The following SAMMSON variants were observed in gnomAD, a reference collection of about 807,000 sequenced individuals.
SAMMSON encodes the protein long intergenic non-protein coding RNA 1212.
In SAMMSON at chr3:70,324,784, C is replaced by T. The variant is rs187801382; in HGVS notation, n.740-29391C>T. 6.6e-5 allele frequency among the ~76,000 whole-genome samples: 10 copies of T among 152,174 alleles called. No homozygotes were observed. The East Asian group carries it at 1.9e-3, about 30-fold the overall frequency. On this transcript the variant is annotated intron_variant and non_coding_transcript_variant, in intron 7 of 9. Transcript: ENST00000642114. The stretch of plus-strand genomic sequence containing the variant: ...AGAGAAAGGCCAGTGGCAGAAACTG[C>T]GTCCTGACATAACAAAAGCACAGCG...
rs545178080 is a variant in SAMMSON at position 70,278,549 on chromosome 3, G to T, written n.675-12630G>T. 3.3e-5 allele frequency among the ~76,000 whole-genome samples: 5 copies of T among 152,312 alleles called. No individual in the cohort carries two copies. In the South Asian group the frequency reaches 8.3e-4, roughly 25 times the overall value. ...TATGAGAGTTCAGTCACTCTGTGCT[G>T]TTGTCAGCATTTAGTGTTTTCAGGT... is the stretch of plus-strand genomic sequence containing the variant. On this transcript the variant is annotated intron_variant and non_coding_transcript_variant, in intron 6 of 9. Coordinates refer to ENST00000642114, the Ensembl canonical transcript of SAMMSON.
At chr3:70,018,956 A>G (rs2066998786) in intron 3 of SAMMSON, among the ~76,000 whole-genome samples, 1 of 152,304 alleles carries the variant, frequency 6.6e-6, no homozygotes, top group Admixed American at 6.5e-5. Flanking sequence ...ACAGTTTGTT[A>G]TAACTTCTGT....
At chr3:70,062,534 A>G (rs1316259391) in intron 3 of SAMMSON, among the ~76,000 whole-genome samples, 1 of 152,136 alleles carries the variant, frequency 6.6e-6, no homozygotes, top group Non-Finnish European at 1.5e-5. Flanking sequence ...GTGGATGCTC[A>G]GTACATATTT....
At chr3:70,244,726 T>C (rs1701690584) in intron 4 of SAMMSON, among the ~76,000 whole-genome samples, 1 of 152,232 alleles carries the variant, frequency 6.6e-6, no homozygotes. Context: ...TGAATCATTA[T>C]GCTCTTATGA....
At chr3:70,088,978 G>A (rs1037976173) in intron 4 of SAMMSON, among the ~76,000 whole-genome samples, 1 of 152,042 alleles carries the variant, frequency 6.6e-6, no homozygotes, top group African/African-American at 2.4e-5. Context: ...TTCATTCCAG[G>A]TTTATGCCTC....
At chr3:70,238,047 T>C (rs1026150443) in intron 4 of SAMMSON, among the ~76,000 whole-genome samples, 4 of 135,546 alleles carry the variant, frequency 3.0e-5, no homozygotes, top group Non-Finnish European at 6.1e-5. Context: ...AACTGTACTT[T>C]ATAGTGACGA....
chr3:70,145,135 C>A (rs1249035038), intron 4 of SAMMSON, among the ~76,000 whole-genome samples: 2 of 152,064 alleles, frequency 1.3e-5, no homozygotes, highest in African/African-American at 4.8e-5. Flanking sequence ...CACAGAAAAC[C>A]CAATGCGATT....
intron 9 of SAMMSON, among the ~76,000 whole-genome samples, chr3:70,379,156 G>A (rs1235785527): frequency 6.6e-6 from 1 of 152,012 alleles, no homozygotes; most frequent in African/African-American, 2.4e-5. Flanking sequence ...TGGGATTACA[G>A]GCACGCACCA....
intron 4 of SAMMSON, chr3:70,126,391 T>G: frequency 4.6e-6 from 4 of 874,738 alleles, no homozygotes; most frequent in Non-Finnish European, 7.4e-6. Context: ...ATAGCTGCTT[T>G]TTAGGGAATG....
chr3:70,414,970 G>A (rs1180814412), intron 2 of SAMMSON, among the ~76,000 whole-genome samples: 1 of 151,972 alleles, frequency 6.6e-6, no homozygotes, highest in East Asian at 1.9e-4. Context: ...TTATAGCAGA[G>A]GAGAAGAGGA....
intron 4 of SAMMSON, among the ~76,000 whole-genome samples, chr3:70,168,678 T>C (rs1165231715): frequency 6.6e-6 from 1 of 152,004 alleles, no homozygotes; most frequent in African/African-American, 2.4e-5. Flanking sequence ...TACTTATTTA[T>C]GGCCCCACTT....
intron 3 of SAMMSON, among the ~76,000 whole-genome samples, chr3:70,035,254 C>T (rs974158149): frequency 6.6e-6 from 1 of 152,116 alleles, no homozygotes; most frequent in Non-Finnish European, 1.5e-5. Flanking sequence ...CATCCTGTTT[C>T]ATGTGTCCCC....
intron 2 of SAMMSON, among the ~76,000 whole-genome samples, chr3:70,396,739 T>A (rs906369146): frequency 6.6e-6 from 1 of 152,180 alleles, no homozygotes; most frequent in African/African-American, 2.4e-5. Context: ...CATCTTAAAA[T>A]TTAATCCTAA....
chr3:70,121,292 T>TC (rs1198060049), intron 4 of SAMMSON, among the ~76,000 whole-genome samples: 1 of 152,096 alleles, frequency 6.6e-6, no homozygotes, highest in Non-Finnish European at 1.5e-5. Context: ...TCAGTACTGG[T>TC]CCCTGGCCCG....
intron 4 of SAMMSON, among the ~76,000 whole-genome samples, chr3:70,218,323 G>A (rs1303676584): frequency 6.6e-6 from 1 of 152,112 alleles, no homozygotes; most frequent in Non-Finnish European, 1.5e-5. Flanking sequence ...GTATGCATGT[G>A]CACATGGATG....
chr3:70,078,244 C>T (rs1195038743), intron 4 of SAMMSON, among the ~76,000 whole-genome samples: 4 of 152,092 alleles, frequency 2.6e-5, no homozygotes, highest in East Asian at 1.9e-4. Flanking sequence ...AGTAAATTGT[C>T]GCTTAGCACA....
intron 4 of SAMMSON, chr3:70,204,824 A>C (rs1364560390): frequency 6.6e-6 from 1 of 152,010 alleles, no homozygotes; most frequent in Admixed American, 6.6e-5. Flanking sequence ...TTCTGGAGGG[A>C]AAGTATGTTT....
chr3:70,236,792 T>C (rs551148213), intron 4 of SAMMSON, among the ~76,000 whole-genome samples: 4 of 152,088 alleles, frequency 2.6e-5, no homozygotes, highest in Non-Finnish European at 5.9e-5. Context: ...AATGGGGTCT[T>C]TGTATGTTGC....
In SAMMSON at chr3:70,189,934, T is replaced by C. The variant is rs554320870; in HGVS notation, n.508-59173T>C. 1.1e-4 allele frequency among the ~76,000 whole-genome samples: 16 copies of C among 152,278 alleles called. No individual in the cohort carries two copies. The South Asian group carries it at 3.3e-3, about 32-fold the overall frequency. ...TTTTGGGAATGAATTGTGATGGACT[T>C]ATATGAAAATTTATATGGCCAAGAA... is the stretch of plus-strand genomic sequence containing the variant. On this transcript the variant is annotated intron_variant and non_coding_transcript_variant, in intron 4 of 9. Transcript: ENST00000642114.
Sources: allele counts gnomAD v4.1 joint callset (sites outside exome capture counted in the v4.1 genomes callset), GRCh38; gene constraint gnomAD v4.1.1; transcripts MANE v1.5; gene names NCBI Gene and HGNC (gene_info 2026-07-23, HGNC 2026-07-21).